Variants in FAM20B observed in about 807,000 individuals in gnomAD.
FAM20B encodes glycosaminoglycan xylosylkinase.
In FAM20B, 23 loss-of-function variants were observed where a neutral mutation model predicts 43.8. That is an observed-to-expected ratio of 0.53 (90% CI 0.38 to 0.74). The LOEUF (loss-of-function observed/expected upper bound fraction) is 0.74. FAM20B is among the 30% of genes least tolerant of loss of function. The probability of loss-of-function intolerance (pLI) is 0.00; values close to 1 mark genes in which losing one functional copy is unlikely to be tolerated. For synonymous variants in FAM20B, 178 were observed against 192.4 expected (o/e 0.93, Z 0.62); for missense variants, 440 against 510.5 (o/e 0.86, Z 1.33).
chr1:179,053,234 A>G (rs1367272448), intron 3 of FAM20B, among the ~76,000 whole-genome samples: 1 of 152,090 alleles, frequency 6.6e-6, no homozygotes, highest in Non-Finnish European at 1.5e-5. Context: ...ATTGCCCCTC[A>G]ATGCTAAACT....
At chr1:179,021,806 C>T (rs1020038514), upstream of FAM20B, among the ~76,000 whole-genome samples, 2 of 152,186 alleles carry the variant, frequency 1.3e-5, no homozygotes, top group Non-Finnish European at 2.9e-5. Context: ...TTAGTGGTTG[C>T]TCAACTCTGT....
At position 179,072,587 on chromosome 1, in the gene FAM20B, T is replaced by C. The variant is rs1651971160; in HGVS notation, c.*443T>C. The C allele has an allele frequency of 5.9e-6, 1 of 168,922 alleles. No homozygotes were observed. Among genetic ancestry groups the C allele is most frequent in the East Asian group, 1.6e-4 (1 of 6,292 alleles). The allele number at this position is 168,922 out of a possible 1,614,324, so 10.5% of individuals were successfully genotyped here. On this transcript the variant is annotated 3_prime_UTR_variant, in exon 8 of 8. Coordinates refer to ENST00000263733, the MANE Select transcript of FAM20B (RefSeq NM_014864.4). ...TTTTTTTTACCAGAACTAGTTACAT[T>C]GGAATGCTTACTGTCCTACAGAGTG...
At chr1:179,050,408 C>T (rs1315575579) in intron 3 of FAM20B, 43 bp downstream of exon 3, 11 of 1,500,082 alleles carry the variant, frequency 7.3e-6, no homozygotes, top group Non-Finnish European at 1.0e-5. Context: ...TGTTTGCTTT[C>T]AAAAATCTTT....
At chr1:179,027,506 T>A (rs1649836634) in intron 1 of FAM20B, among the ~76,000 whole-genome samples, 1 of 152,240 alleles carries the variant, frequency 6.6e-6, no homozygotes. Flanking sequence ...ATAACTTTTC[T>A]AAAGTTTGCA....
chr1:179,070,896 A>T (rs1375432808), intron 7 of FAM20B, among the ~76,000 whole-genome samples: 1 of 151,842 alleles, frequency 6.6e-6, no homozygotes, highest in African/African-American at 2.4e-5. Context: ...CTCTTAAAAG[A>T]CTCTACCTTG....
intron 3 of FAM20B, among the ~76,000 whole-genome samples, chr1:179,052,567 T>C (rs916100972): frequency 9.2e-5 from 14 of 152,220 alleles, no homozygotes; most frequent in African/African-American, 3.1e-4. Flanking sequence ...ATCTAAGACA[T>C]TTCTAGGAAC....
chr1:179,036,424 T>C (rs760646507), intron 1 of FAM20B, among the ~76,000 whole-genome samples: 3 of 152,222 alleles, frequency 2.0e-5, no homozygotes, highest in Non-Finnish European at 4.4e-5. Context: ...ATGACCGTAA[T>C]ATAACTGGAC....
At chr1:179,029,018 G>C (rs1322802594) in intron 1 of FAM20B, among the ~76,000 whole-genome samples, 1 of 152,250 alleles carries the variant, frequency 6.6e-6, no homozygotes, top group Non-Finnish European at 1.5e-5. Flanking sequence ...GCAGTAGCCT[G>C]TGCAGGTTCC....
chr1:179,046,243 C>T (rs1351037686), intron 2 of FAM20B, among the ~76,000 whole-genome samples: 1 of 152,198 alleles, frequency 6.6e-6, no homozygotes, highest in East Asian at 1.9e-4. Flanking sequence ...GAGCACTCAT[C>T]ATCAAAAATC....
intron 1 of FAM20B, among the ~76,000 whole-genome samples, chr1:179,030,147 T>C (rs1649949236): frequency 6.6e-6 from 1 of 152,212 alleles, no homozygotes; most frequent in African/African-American, 2.4e-5. Flanking sequence ...GGCTTAGTTA[T>C]GTTCTACCTG....
chr1:179,050,051 A>C (rs12733622), intron 2 of FAM20B, among the ~76,000 whole-genome samples: 1 of 152,056 alleles, frequency 6.6e-6, no homozygotes, highest in Non-Finnish European at 1.5e-5. Context: ...TCCATGTTTT[A>C]TTCTTAGAAT....
intron 7 of FAM20B, among the ~76,000 whole-genome samples, chr1:179,067,513 A>C (rs1651739026): frequency 1.3e-5 from 2 of 152,154 alleles, no homozygotes; most frequent in Admixed American, 6.5e-5. Context: ...TTGAGACAGG[A>C]GAATTGCTTG....
chr1:179,038,286 C>T (rs181914903), intron 1 of FAM20B, among the ~76,000 whole-genome samples: 29 of 152,112 alleles, frequency 1.9e-4, no homozygotes, highest in African/African-American at 6.0e-4. Context: ...TGGCGCATGC[C>T]TGTAATCCCA....
At chr1:179,046,531 A>G (rs1650779730) in intron 2 of FAM20B, among the ~76,000 whole-genome samples, 1 of 151,944 alleles carries the variant, frequency 6.6e-6, no homozygotes, top group African/African-American at 2.4e-5. Context: ...ATGTGCCTGT[A>G]ATCCTAGCTA....
At chr1:179,052,707 C>T (rs1012239587) in intron 3 of FAM20B, among the ~76,000 whole-genome samples, 5 of 152,168 alleles carry the variant, frequency 3.3e-5, no homozygotes, top group Non-Finnish European at 7.3e-5. Context: ...TATGTGTGTA[C>T]AATACCATGA....
At chr1:179,025,866 C>T (rs1213540376), upstream of FAM20B, 6 of 125,064 alleles carry the variant, frequency 4.8e-5, no homozygotes, top group Middle Eastern at 0.016. Flanking sequence ...ACGGTACCAA[C>T]AGCCGGGGGC....
chr1:179,048,216 C>A (rs1650861797), intron 2 of FAM20B, among the ~76,000 whole-genome samples: 1 of 152,056 alleles, frequency 6.6e-6, no homozygotes, highest in African/African-American at 2.4e-5. Flanking sequence ...AATGAGTAAT[C>A]TCAGGAAGTA....
At chr1:179,025,854 G>C (rs1399709341), upstream of FAM20B, 2 of 145,086 alleles carry the variant, frequency 1.4e-5, no homozygotes, top group Non-Finnish European at 3.1e-5. Flanking sequence ...CGCTACGCTA[G>C]GACGGTACCA....
intron 7 of FAM20B, among the ~76,000 whole-genome samples, chr1:179,067,233 C>T (rs1651728463): frequency 6.6e-6 from 1 of 151,926 alleles, no homozygotes; most frequent in Non-Finnish European, 1.5e-5. Flanking sequence ...TCCTCTCACT[C>T]ACCCATCACA....
Sources: allele counts gnomAD v4.1 joint callset (sites outside exome capture counted in the v4.1 genomes callset), GRCh38; gene constraint gnomAD v4.1.1; transcripts MANE v1.5; gene names NCBI Gene and HGNC (gene_info 2026-07-23, HGNC 2026-07-21).